CNTFR: variants seen among roughly 807,000 people sequenced by gnomAD.
CNTFR encodes the protein ciliary neurotrophic factor receptor subunit alpha.
CNTFR carries 12 observed loss-of-function variants against 40.4 expected under a neutral mutation model. The ratio of observed to expected loss-of-function variants is 0.30; its 90% CI spans 0.19 to 0.48. The LOEUF is 0.48. CNTFR is among the 20% of genes least tolerant of loss of function. The pLI is 0.99. For synonymous variants in CNTFR, 202 were observed against 209.6 expected, an observed-to-expected ratio of 0.96 and a Z score of 0.31; for missense variants, 414 against 506.8, an observed-to-expected ratio of 0.82 and a Z score of 1.76.
intron 4 of CNTFR, among the ~76,000 whole-genome samples, chr9:34,560,021 T>A (rs1826006395): frequency 6.6e-6 from 1 of 152,198 alleles, no homozygotes; most frequent in African/African-American, 2.4e-5. Context: ...GCTTTGTCTG[T>A]CATCTGGCTA....
chr9:34,579,614 G>T (rs1343061255), intron 2 of CNTFR, among the ~76,000 whole-genome samples: 1 of 151,840 alleles, frequency 6.6e-6, no homozygotes, highest in Non-Finnish European at 1.5e-5. Context: ...GAGGGTGATG[G>T]GAGGCCAAAG....
chr9:34,577,655 C>CA (rs1396680372), intron 2 of CNTFR, among the ~76,000 whole-genome samples: 1 of 152,040 alleles, frequency 6.6e-6, no homozygotes, highest in Non-Finnish European at 1.5e-5. Flanking sequence ...CTGTAGCCCC[C>CA]CTTCCACTCA....
At chr9:34,553,921 C>T (rs568477906) in intron 7 of CNTFR, among the ~76,000 whole-genome samples, 7 of 152,282 alleles carry the variant, frequency 4.6e-5, no homozygotes, top group East Asian at 1.9e-4. Flanking sequence ...AACCTTCCCC[C>T]GAGAAAACTG....
chr9:34,588,303 A>C (rs1179051924), intron 1 of CNTFR, among the ~76,000 whole-genome samples: 5 of 152,160 alleles, frequency 3.3e-5, no homozygotes, highest in African/African-American at 1.2e-4. Context: ...CAATGGTTCA[A>C]GCCCCATTCC....
In CNTFR at chr9:34,551,900, A is replaced by G. The variant is rs1825637514; in HGVS notation, c.*171T>C. On this transcript the variant is annotated 3_prime_UTR_variant, in exon 10 of 10. Transcript: ENST00000378980. ...GGAAGGAGGGCCAGCTTGGTGCGGCAGGGCTGGGGGGCGGCAGGCCCGGGC... is the reference window on the plus strand; with the variant it reads ...GGAAGGAGGGCCAGCTTGGTGCGGCGGGGCTGGGGGGCGGCAGGCCCGGGC... 7.1e-6 allele frequency: 5 copies of G among 703,690 alleles called. No homozygotes were observed. The Admixed American group carries it at 1.0e-4, about 14-fold the overall frequency. The allele number at this position is 703,690 out of a possible 1,614,324, so 43.6% of individuals were successfully genotyped here.
chr9:34,574,991 G>A (rs979450915), intron 2 of CNTFR, among the ~76,000 whole-genome samples: 1 of 152,194 alleles, frequency 6.6e-6, no homozygotes, highest in Non-Finnish European at 1.5e-5. Flanking sequence ...GCTGCCTGGT[G>A]ACCTGGGCAT....
At chr9:34,564,499 C>G in intron 4 of CNTFR, 100 bp downstream of exon 4, 6 of 1,126,318 alleles carry the variant, frequency 5.3e-6, no homozygotes, top group Non-Finnish European at 7.8e-6. Context: ...CAGCTCTCCC[C>G]TCTCCATGTC....
rs151167190 is a variant in CNTFR at position 34,564,745 on chromosome 9, C to A, written c.173G>T (p.Arg58Leu). The A allele has an allele frequency of 1.2e-6, 2 of 1,614,076 alleles. No homozygotes were observed. Among genetic ancestry groups the A allele is most frequent in the African/African-American group, 2.7e-5 (2 of 75,002 alleles). Residue 58 changes from arginine (R) to leucine (L), a missense_variant, in exon 4 of 10, where the codon CGG (arginine) becomes CTG (leucine). Arg to Leu is a moderately radical substitution (Grantham distance 102). Transcript: ENST00000378980. ...AGGGGCCAGGTCTGTCCCATTTACCCGCCACGTCACCGCAGCATCCCAGTT... is the reference window on the plus strand; with the variant it reads ...AGGGGCCAGGTCTGTCCCATTTACCAGCCACGTCACCGCAGCATCCCAGTT... ...TANWDAAVTW[R>L]VNGTDLAPDL...
intron 3 of CNTFR, among the ~76,000 whole-genome samples, chr9:34,567,319 CTCCCTCACACCTGCACACACA>C (rs1826353139): frequency 6.6e-6 from 1 of 152,170 alleles, no homozygotes; most frequent in Non-Finnish European, 1.5e-5. Context: ...GAGCTGACGG[CTCCCTCACACCTGCACACACA>C]GGCTCACAGG....
chr9:34,585,880 T>G (rs951391926), intron 1 of CNTFR, among the ~76,000 whole-genome samples: 1 of 152,160 alleles, frequency 6.6e-6, no homozygotes, highest in Non-Finnish European at 1.5e-5. Flanking sequence ...CCATCTGCAT[T>G]TCAAAGAAAA....
At chr9:34,572,373 C>T (rs560787699) in intron 2 of CNTFR, among the ~76,000 whole-genome samples, 1 of 152,290 alleles carries the variant, frequency 6.6e-6, no homozygotes, top group South Asian at 2.1e-4. Context: ...TCCAAGTCCA[C>T]ACCCCATGGC....
intron 2 of CNTFR, 72 bp from the exon 3 acceptor site, chr9:34,569,053 T>TG: frequency 7.1e-7 from 1 of 1,403,616 alleles, no homozygotes; most frequent in Non-Finnish European, 9.8e-7. Context: ...GAGCCCCTCC[T>TG]GTTCTCAGGC....
At chr9:34,577,840 AAAG>A (rs1827061387) in intron 2 of CNTFR, among the ~76,000 whole-genome samples, 1 of 112,684 alleles carries the variant, frequency 8.9e-6, no homozygotes, top group African/African-American at 3.7e-5. Flanking sequence ...AGAGAAGAGA[AAAG>A]AAGAGAGACA....
At chr9:34,556,180 G>A (rs987630975) in intron 7 of CNTFR, 75 bp downstream of exon 7, 95 of 1,483,084 alleles carry the variant, frequency 6.4e-5, no homozygotes, top group African/African-American at 1.9e-4. Context: ...CTGCTGCCAC[G>A]TGGGATATGG....
chr9:34,558,222 T>A (rs1007402884), intron 4 of CNTFR, among the ~76,000 whole-genome samples: 2 of 152,138 alleles, frequency 1.3e-5, no homozygotes, highest in African/African-American at 4.8e-5. Context: ...ACCTGCTCAA[T>A]GGAGGCAGGA....
rs574094217 is a variant in CNTFR at position 34,572,739 on chromosome 9, G to A, written c.1-3758C>T. On this transcript the variant is annotated intron_variant, in intron 2 of 9. Transcript: ENST00000378980. ...CCATTGAAAATGACACAGTTGTACC[G>A]TTGACAATGACACACAGGGATGTTG... 9.2e-5 allele frequency among the ~76,000 whole-genome samples: 14 copies of A among 152,300 alleles called. No homozygotes were observed. The South Asian group carries it at 1.0e-3, about 11-fold the overall frequency.
intron 4 of CNTFR, among the ~76,000 whole-genome samples, chr9:34,559,853 C>G (rs1024527585): frequency 6.6e-6 from 1 of 152,132 alleles, no homozygotes; most frequent in African/African-American, 2.4e-5. Context: ...TACTCACAGG[C>G]CCCCACCCCT....
At chr9:34,568,051 C>G (rs1488358232) in intron 3 of CNTFR, 2 of 152,290 alleles carry the variant, frequency 1.3e-5, no homozygotes, top group Non-Finnish European at 2.9e-5. Flanking sequence ...TGCTCCATGC[C>G]TGGTCCCTGG....
intron 1 of CNTFR, among the ~76,000 whole-genome samples, chr9:34,588,688 A>G (rs993786526): frequency 2.0e-5 from 3 of 152,188 alleles, no homozygotes; most frequent in Non-Finnish European, 4.4e-5. Flanking sequence ...GCCTGAAGCT[A>G]CTGGAGGGGG....
Sources: allele counts gnomAD v4.1 joint callset (sites outside exome capture counted in the v4.1 genomes callset), GRCh38; gene constraint gnomAD v4.1.1; transcripts MANE v1.5; gene names NCBI Gene and HGNC (gene_info 2026-07-23, HGNC 2026-07-21).